APBB2: variants seen among roughly 807,000 people sequenced by gnomAD.
APBB2 encodes amyloid beta precursor protein binding family B member 2.
A neutral mutation model predicts 82.5 loss-of-function variants in APBB2; 38 were observed. The observed-to-expected ratio is 0.46, with a 90% CI of 0.36 to 0.60. The LOEUF (loss-of-function observed/expected upper bound fraction) is 0.60. Ranked by LOEUF, APBB2 falls within the 20% of genes least tolerant of loss-of-function variation. The pLI, the probability that APBB2 is intolerant of heterozygous loss-of-function variation, is 0.00. For synonymous variants in APBB2, 341 were observed against 368.2 expected, an observed-to-expected ratio of 0.93 and a Z score of 0.85; for missense variants, 772 against 972.3, an observed-to-expected ratio of 0.79 and a Z score of 2.74.
intron 3 of APBB2, among the ~76,000 whole-genome samples, chr4:41,078,919 AC>A (rs1322518173): frequency 6.6e-6 from 1 of 152,180 alleles, no homozygotes; most frequent in Non-Finnish European, 1.5e-5. Flanking sequence ...CTAGACACTA[AC>A]ATTCCCAGAG....
chr4:41,110,190 T>G (rs530672795), intron 2 of APBB2, among the ~76,000 whole-genome samples: 125 of 152,346 alleles, frequency 8.2e-4, no homozygotes, highest in Non-Finnish European at 1.4e-3. Flanking sequence ...CAAGCCGGAA[T>G]GCAAGGCCCG....
At chr4:40,833,361 G>C (rs901276816) in intron 12 of APBB2, among the ~76,000 whole-genome samples, 4 of 152,178 alleles carry the variant, frequency 2.6e-5, no homozygotes, top group African/African-American at 9.7e-5. Flanking sequence ...CTCCAGAAGA[G>C]GTGGGTCTTG....
chr4:41,017,004 T>G (rs1255097909), intron 5 of APBB2, among the ~76,000 whole-genome samples: 2 of 151,970 alleles, frequency 1.3e-5, no homozygotes, highest in Non-Finnish European at 2.9e-5. Context: ...TCAAGCGATC[T>G]TCCTACCTCA....
intron 3 of APBB2, among the ~76,000 whole-genome samples, chr4:41,077,315 T>A (rs1405730040): frequency 6.6e-6 from 1 of 151,526 alleles, no homozygotes; most frequent in Non-Finnish European, 1.5e-5. Flanking sequence ...AGCCAGGGAT[T>A]TTTTTTTAAA....
At chr4:41,171,747 T>C (rs1768316042) in intron 1 of APBB2, among the ~76,000 whole-genome samples, 1 of 152,096 alleles carries the variant, frequency 6.6e-6, no homozygotes, top group South Asian at 2.1e-4. Context: ...TCGCCTGAGG[T>C]CAGGAGTTCA....
intron 4 of APBB2, among the ~76,000 whole-genome samples, chr4:41,035,583 T>C (rs1718815559): frequency 6.6e-6 from 1 of 152,072 alleles, no homozygotes; most frequent in South Asian, 2.1e-4. Context: ...CTCAAGAAAA[T>C]GAATACCAGT....
At chr4:40,837,852 T>C (rs1403711278) in intron 12 of APBB2, among the ~76,000 whole-genome samples, 4 of 152,196 alleles carry the variant, frequency 2.6e-5, no homozygotes, top group African/African-American at 9.7e-5. Context: ...CAAGTACCTG[T>C]TGCCACCTGC....
chr4:40,853,457 CTTTT>C (rs112974904), intron 12 of APBB2, among the ~76,000 whole-genome samples: 1 of 146,274 alleles, frequency 6.8e-6, no homozygotes. Flanking sequence ...TGCTTTCCTT[CTTTT>C]TTTTTTTGCG....
In APBB2 at chr4:41,014,552, A is replaced by G. The variant is rs1008308782; in HGVS notation, c.20-154T>C. On this transcript the variant is annotated intron_variant, in intron 5 of 17. Transcript: ENST00000508593. ...GACCCATTTTCCTCTTTATTTCACC[A>G]TTTGTTCCTATATTAAACAGGAGCA... The G allele has an allele frequency of 2.1e-5, 16 of 751,414 alleles. No individual in the cohort carries two copies. In the African/African-American group the frequency reaches 2.8e-4, roughly 13 times the overall value. The allele number at this position is 751,414 out of a possible 1,614,324, so 46.5% of individuals were successfully genotyped here.
chr4:41,061,491 A>C (rs1328713824), intron 4 of APBB2, among the ~76,000 whole-genome samples: 1 of 152,218 alleles, frequency 6.6e-6, no homozygotes, highest in Non-Finnish European at 1.5e-5. Context: ...TGAATACCGC[A>C]GGCAAATGTG....
chr4:41,026,122 A>G (rs946218032), intron 5 of APBB2, among the ~76,000 whole-genome samples: 1 of 152,122 alleles, frequency 6.6e-6, no homozygotes, highest in Non-Finnish European at 1.5e-5. Flanking sequence ...ATTTTCTCTT[A>G]TAAGTGGGAG....
intron 3 of APBB2, among the ~76,000 whole-genome samples, chr4:41,081,556 T>C (rs2153933088): frequency 6.6e-6 from 1 of 152,338 alleles, no homozygotes; most frequent in Non-Finnish European, 1.5e-5. Flanking sequence ...TTCCAAAATA[T>C]ATTCATTGTG....
At position 41,119,287 on chromosome 4, in the gene APBB2, G is replaced by A. The variant is rs148034661; in HGVS notation, c.-260-18537C>T. Among the ~76,000 whole-genome samples, 277 of 152,128 alleles carry A rather than the reference G, an allele frequency of 1.8e-3. 1 individual carries two copies. The East Asian group carries it at 0.034, about 19-fold the overall frequency. On this transcript the variant is annotated intron_variant, in intron 2 of 17. Transcript: ENST00000508593. ...GGCACTGAAACGTGTGAATGGGGCCGACTGGGGGAGTGAGTTTGAACTAGG... is the reference window on the plus strand; with the variant it reads ...GGCACTGAAACGTGTGAATGGGGCCAACTGGGGGAGTGAGTTTGAACTAGG...
intron 10 of APBB2, among the ~76,000 whole-genome samples, chr4:40,916,312 AAGACAGACAGAC>A (rs144128710): frequency 6.6e-6 from 1 of 151,666 alleles, no homozygotes; most frequent in African/African-American, 2.4e-5. Flanking sequence ...GCTAGACCTG[AAGACAGACAGAC>A]AGACAGACAG....
At chr4:41,181,861 G>A (rs954984147) in intron 1 of APBB2, among the ~76,000 whole-genome samples, 2 of 150,246 alleles carry the variant, frequency 1.3e-5, no homozygotes, top group South Asian at 2.1e-4. Flanking sequence ...CAGAAGAATC[G>A]CTTGAACCTG....
intron 3 of APBB2, among the ~76,000 whole-genome samples, chr4:41,077,636 A>G (rs1048214351): frequency 2.8e-4 from 42 of 152,334 alleles, no homozygotes; most frequent in Non-Finnish European, 5.7e-4. Flanking sequence ...TTAGATTATC[A>G]ATCATATGTA....
intron 4 of APBB2, among the ~76,000 whole-genome samples, chr4:41,048,852 T>G (rs1468546464): frequency 6.6e-6 from 1 of 152,174 alleles, no homozygotes; most frequent in Non-Finnish European, 1.5e-5. Context: ...TTCGTATTTT[T>G]TTGGTGGAGA....
intron 6 of APBB2, among the ~76,000 whole-genome samples, chr4:41,001,043 A>G (rs1445420314): frequency 6.6e-6 from 1 of 152,156 alleles, no homozygotes; most frequent in Non-Finnish European, 1.5e-5. Flanking sequence ...CCCCCACTGT[A>G]AAGCAAAGCA....
At chr4:40,845,290 T>A (rs1239869541) in intron 12 of APBB2, among the ~76,000 whole-genome samples, 1 of 152,006 alleles carries the variant, frequency 6.6e-6, no homozygotes, top group Admixed American at 6.6e-5. Context: ...AAAACATCAG[T>A]CCAAAGCTGG....
Sources: allele counts gnomAD v4.1 joint callset (sites outside exome capture counted in the v4.1 genomes callset), GRCh38; gene constraint gnomAD v4.1.1; transcripts MANE v1.5; gene names NCBI Gene and HGNC (gene_info 2026-07-23, HGNC 2026-07-21).